Variants in ADAMTS19 observed in about 807,000 individuals in gnomAD.
The protein encoded by ADAMTS19 is ADAM metallopeptidase with thrombospondin type 1 motif 19.
In ADAMTS19, 93 loss-of-function variants were observed where a neutral mutation model predicts 153.3. The ratio of observed to expected loss-of-function variants is 0.61; its 90% CI spans 0.51 to 0.72. ADAMTS19 has a LOEUF of 0.72. Ranked by LOEUF, ADAMTS19 falls within the 30% of genes least tolerant of loss-of-function variation. The pLI is 0.00. For missense variants in ADAMTS19, 1,482 were observed against 1,552.1 expected, an observed-to-expected ratio of 0.95 and a Z score of 0.76; for synonymous variants, 600 against 556.6, an observed-to-expected ratio of 1.08 and a Z score of -1.10.
chr5:129,583,813 A>T (rs866836673), intron 7 of ADAMTS19, among the ~76,000 whole-genome samples: 1 of 151,974 alleles, frequency 6.6e-6, no homozygotes. Context: ...CAATTCCGCT[A>T]ACCATTTCCA....
rs993220289 is a variant in ADAMTS19, at chr5:129,557,046, G to A, written c.1372+5139G>A. ...TCATTTAGAGAAAGAATAAAGAAAC[G>A]TGGTGATTTCAAATCTTTAAACTGT... On this transcript the variant is annotated intron_variant, in intron 7 of 22. Coordinates refer to ENST00000274487, the MANE Select transcript of ADAMTS19 (RefSeq NM_133638.6). Among the ~76,000 whole-genome samples, 8 of 152,188 alleles carry A rather than the reference G, an allele frequency of 5.3e-5. No individual in the cohort carries two copies. The East Asian group carries it at 1.2e-3, about 22-fold the overall frequency.
intron 20 of ADAMTS19, among the ~76,000 whole-genome samples, chr5:129,702,941 A>AAAAAAAAAAATATAT: frequency 2.4e-4 from 7 of 29,308 alleles, no homozygotes; most frequent in African/African-American, 6.0e-4. Flanking sequence ...AAAAAAAAAA[A>AAAAAAAAAAATATAT]ATATATATAT....
intron 6 of ADAMTS19, among the ~76,000 whole-genome samples, chr5:129,537,136 A>G (rs559779883): frequency 6.6e-6 from 1 of 152,294 alleles, no homozygotes; most frequent in African/African-American, 2.4e-5. Flanking sequence ...GACACTTCTC[A>G]AAAGAAGACA....
chr5:129,707,618 A>G (rs1756227718), intron 21 of ADAMTS19, among the ~76,000 whole-genome samples: 1 of 152,204 alleles, frequency 6.6e-6, no homozygotes, highest in Admixed American at 6.5e-5. Flanking sequence ...TTCAGTGATT[A>G]AAGTATTCAG....
intron 2 of ADAMTS19, among the ~76,000 whole-genome samples, chr5:129,462,618 G>T (rs573214447): frequency 2.6e-4 from 39 of 150,114 alleles, no homozygotes; most frequent in East Asian, 1.6e-3. Context: ...TGTGTGTGTG[G>T]GGGGGTCAAA....
intron 8 of ADAMTS19, among the ~76,000 whole-genome samples, chr5:129,598,448 A>T (rs969381377): frequency 2.6e-5 from 4 of 152,232 alleles, no homozygotes; most frequent in Non-Finnish European, 4.4e-5. Flanking sequence ...TTGATTTAAA[A>T]AGTTATTCAA....
intron 13 of ADAMTS19, 106 bp downstream of exon 13, chr5:129,649,076 T>C (rs960604277): frequency 1.7e-6 from 2 of 1,148,632 alleles, no homozygotes; most frequent in Middle Eastern, 2.1e-4. Context: ...AAAATATTTC[T>C]GAACTTTAAT....
At chr5:129,585,869 T>C (rs1749764585) in intron 7 of ADAMTS19, among the ~76,000 whole-genome samples, 1 of 152,228 alleles carries the variant, frequency 6.6e-6, no homozygotes, top group African/African-American at 2.4e-5. Flanking sequence ...TGTTGTTACT[T>C]TGAAGTGAAG....
In ADAMTS19 at chr5:129,551,897, T is replaced by C; in HGVS notation, c.1362T>C (p.Cys454=). ...KDFCVHKDEP[C]DTVGIAYLSG... is the part of the protein sequence containing the mutation. ...TCTGTGTGCACAAAGATGAACCATG[T>C]GATACTGTTGGTAAGTGTGAAAATT... The change falls in exon 7 of 23, where the codon TGT becomes TGC. Residue 454 remains cysteine, a synonymous_variant. Transcript: ENST00000274487. 6.3e-7 allele frequency: 1 copy of C among 1,578,230 alleles called. No individual in the cohort carries two copies. The highest frequency in any genetic ancestry group is 8.6e-7 in the Non-Finnish European group (1 of 1,164,066).
chr5:129,540,373 T>A lies in ADAMTS19; in HGVS notation c.1329-11491T>A, dbSNP rs143432384. 4.8e-3 allele frequency among the ~76,000 whole-genome samples: 733 copies of A among 152,214 alleles called. 2 individuals are homozygous for A. The highest frequency in any genetic ancestry group is 0.014 in the Middle Eastern group (4 of 294). ...AAGCTGACCTAGTTATGCTTCTGGG[T>A]TCATAGTAACAAAAACACAAAACAT... On this transcript the variant is annotated intron_variant, in intron 6 of 22. Coordinates refer to ENST00000274487, the MANE Select transcript of ADAMTS19 (RefSeq NM_133638.6).
intron 7 of ADAMTS19, among the ~76,000 whole-genome samples, chr5:129,580,793 G>A (rs191024901): frequency 1.2e-4 from 19 of 152,224 alleles, no homozygotes; most frequent in Middle Eastern, 3.4e-3. Flanking sequence ...TGACTTGATC[G>A]TGGTGGGTAA....
At chr5:129,617,094 A>T (rs978513864) in intron 8 of ADAMTS19, among the ~76,000 whole-genome samples, 1 of 152,050 alleles carries the variant, frequency 6.6e-6, no homozygotes, top group Non-Finnish European at 1.5e-5. Flanking sequence ...TGGTTAATAG[A>T]GTAGCTGGCA....
At chr5:129,470,462 C>T (rs2126649525) in intron 2 of ADAMTS19, among the ~76,000 whole-genome samples, 1 of 152,324 alleles carries the variant, frequency 6.6e-6, no homozygotes, top group Middle Eastern at 3.4e-3. Context: ...TTTTAAGATT[C>T]TCTTAGCAAA....
chr5:129,462,699 C>A (rs1177414685), intron 2 of ADAMTS19, among the ~76,000 whole-genome samples: 1 of 152,060 alleles, frequency 6.6e-6, no homozygotes, highest in South Asian at 2.1e-4. Flanking sequence ...AGTACATTCA[C>A]GTTGTTGTGC....
chr5:129,719,249 T>G (rs969562004), intron 21 of ADAMTS19, among the ~76,000 whole-genome samples: 1 of 152,194 alleles, frequency 6.6e-6, no homozygotes, highest in African/African-American at 2.4e-5. Flanking sequence ...TTGAAGAGTT[T>G]TACAGTTTCT....
At chr5:129,570,406 A>T in intron 7 of ADAMTS19, among the ~76,000 whole-genome samples, 1 of 152,086 alleles carries the variant, frequency 6.6e-6, no homozygotes, top group Admixed American at 6.6e-5. Flanking sequence ...GTCTTATTAA[A>T]TATTAAAGAA....
chr5:129,624,126 CAAAAAAAAAAAA>C (rs765901844), intron 10 of ADAMTS19, among the ~76,000 whole-genome samples: 1 of 26,818 alleles, frequency 3.7e-5, no homozygotes, highest in African/African-American at 1.3e-4. Context: ...GGCTCAGTCT[CAAAAAAAAAAAA>C]AAAAAAAAAA....
rs573326047 is a variant in ADAMTS19 at position 129,460,676 on chromosome 5, C to T, written c.91+194C>T. Reference sequence around the variant, plus strand: ...CACACTTCTGCCGGCCTCGTTTTAACCGTATGTGGAATAGTTTCCTTCTAA... The same window carrying T: ...CACACTTCTGCCGGCCTCGTTTTAATCGTATGTGGAATAGTTTCCTTCTAA... On this transcript the variant is annotated intron_variant, in intron 1 of 22. Transcript: ENST00000274487. The T allele has an allele frequency of 4.4e-5, 28 of 632,152 alleles. No individual in the cohort carries two copies. The East Asian group carries it at 7.4e-4, about 17-fold the overall frequency. The allele number at this position is 632,152 out of a possible 1,614,324, so 39.2% of individuals were successfully genotyped here.
chr5:129,682,413 A>G (rs182345533), intron 17 of ADAMTS19, among the ~76,000 whole-genome samples: 4 of 152,352 alleles, frequency 2.6e-5, no homozygotes, highest in African/African-American at 9.6e-5. Context: ...ATGGTTTAAG[A>G]AAGAGCTAAT....
Sources: allele counts gnomAD v4.1 joint callset (sites outside exome capture counted in the v4.1 genomes callset), GRCh38; gene constraint gnomAD v4.1.1; transcripts MANE v1.5; gene names NCBI Gene and HGNC (gene_info 2026-07-23, HGNC 2026-07-21).